Variants in RIMBP2 observed in about 807,000 individuals in gnomAD.
RIMBP2 encodes the protein RIMS-binding protein 2.
A neutral mutation model predicts 118.6 loss-of-function variants in RIMBP2; 48 were observed. The ratio of observed to expected loss-of-function variants is 0.40; its 90% CI spans 0.32 to 0.51. RIMBP2 has a LOEUF of 0.51. Among genes scored for constraint, RIMBP2 ranks in the 20% least tolerant of loss-of-function variants. The pLI is 0.41. For missense variants in RIMBP2, 1,551 were observed against 1,768.3 expected (o/e 0.88, Z 2.20); for synonymous variants, 762 against 742.9 (o/e 1.03, Z -0.42).
intron 1 of RIMBP2, among the ~76,000 whole-genome samples, chr12:130,695,679 C>A (rs11061091): frequency 0.038 from 5,770 of 152,098 alleles, 374 homozygotes; most frequent in African/African-American, 0.13. Flanking sequence ...AAAAGATCAA[C>A]CCCTGTTTCT....
At position 130,623,851 on chromosome 12, in the gene RIMBP2, G is replaced by A. The variant is rs79683798; in HGVS notation, c.-217+4471C>T. Among the ~76,000 whole-genome samples the A allele has an allele frequency of 6.1e-3, 922 of 152,234 alleles. 6 individuals are homozygous for A. The highest frequency in any genetic ancestry group is 8.6e-3 in the Non-Finnish European group (587 of 68,022). On this transcript the variant is annotated intron_variant, in intron 2 of 22. Transcript: ENST00000690449. The surrounding 1 kb of genome is among the most constrained non-coding windows in gnomAD (Gnocchi z 4.1). Reference sequence around the variant, plus strand: ...CATCCCTCAAGCAGATAATCCCACGGTGTACACCACAGTCTCCCAGAGGTT... The same window carrying A: ...CATCCCTCAAGCAGATAATCCCACGATGTACACCACAGTCTCCCAGAGGTT...
chr12:130,557,779 T>G (rs1029726324), intron 2 of RIMBP2, among the ~76,000 whole-genome samples: 1 of 152,228 alleles, frequency 6.6e-6, no homozygotes, highest in Non-Finnish European at 1.5e-5. Context: ...TCTTTTTTCC[T>G]GTACTTATCT....
In RIMBP2 at chr12:130,669,911, A is replaced by C. The variant is rs1296017612; in HGVS notation, c.-351-41455T>G. ...GGTGGGTTGAAGGCCGGGGCTCAGT[A>C]ACACACATTTAGGCCTTTTTCCACA... On this transcript the variant is annotated intron_variant, in intron 1 of 22. Coordinates refer to ENST00000690449, the MANE Select transcript of RIMBP2 (RefSeq NM_001393629.1). 1.3e-5 allele frequency among the ~76,000 whole-genome samples: 2 copies of C among 152,172 alleles called. 1 individual carries two copies. The highest frequency in any genetic ancestry group is 1.3e-4 in the Admixed American group (2 of 15,276).
intron 1 of RIMBP2, among the ~76,000 whole-genome samples, chr12:130,708,806 C>T (rs1397784203): frequency 5.3e-5 from 8 of 152,218 alleles, no homozygotes; most frequent in Non-Finnish European, 2.9e-5. Context: ...TTCAGAGCTC[C>T]CTGGGACTGC....
chr12:130,628,251 A>G (rs1330230672), intron 2 of RIMBP2, 71 bp downstream of exon 2: 4 of 152,216 alleles, frequency 2.6e-5, no homozygotes, highest in Non-Finnish European at 5.9e-5. Flanking sequence ...TCAACAAACC[A>G]TGAAAGAACA....
chr12:130,464,676 C>A (rs114130700), intron 6 of RIMBP2, among the ~76,000 whole-genome samples: 1 of 152,222 alleles, frequency 6.6e-6, no homozygotes, highest in Non-Finnish European at 1.5e-5. Context: ...GGGCAGAAGA[C>A]GAGGCCAAGA....
rs531135112 is a variant in RIMBP2, at chr12:130,438,025, G to A, written c.1656+340C>T. ...GTATCTTAAGGCGGGACGCGCCTTC[G>A]GCCATGGGTATCATCGTGCTAAGAC... On this transcript the variant is annotated intron_variant, in intron 12 of 22. Transcript: ENST00000690449. Among the ~76,000 whole-genome samples the A allele has an allele frequency of 3.3e-5, 5 of 152,278 alleles. No homozygotes were observed. The South Asian group carries it at 1.0e-3, about 32-fold the overall frequency.
chr12:130,649,867 T>G (rs1030669786), intron 1 of RIMBP2, among the ~76,000 whole-genome samples: 1 of 151,972 alleles, frequency 6.6e-6, no homozygotes, highest in Non-Finnish European at 1.5e-5. Flanking sequence ...ACCCCAGCAC[T>G]TCACACTCTG....
intron 12 of RIMBP2, among the ~76,000 whole-genome samples, chr12:130,438,017 G>A (rs1002877305): frequency 2.0e-5 from 3 of 152,198 alleles, no homozygotes; most frequent in African/African-American, 4.8e-5. Context: ...AAGGCGGGAC[G>A]CGCCTTCGGC....
intron 1 of RIMBP2, among the ~76,000 whole-genome samples, chr12:130,715,755 T>TAC (rs1950281912): frequency 1.5e-4 from 20 of 133,870 alleles, no homozygotes; most frequent in East Asian, 7.3e-4. Context: ...CACGTCCCCT[T>TAC]CCCCCCCTCC....
intron 4 of RIMBP2, among the ~76,000 whole-genome samples, chr12:130,489,832 C>A (rs1372542895): frequency 6.6e-6 from 1 of 152,170 alleles, no homozygotes; most frequent in African/African-American, 2.4e-5. Flanking sequence ...ATTGATGACA[C>A]ATTTCTATCA....
intron 2 of RIMBP2, among the ~76,000 whole-genome samples, chr12:130,526,105 G>T (rs1028213396): frequency 1.3e-5 from 2 of 152,068 alleles, no homozygotes; most frequent in African/African-American, 2.4e-5. Context: ...GGGGTGGGGG[G>T]TTCTGGAAAG....
rs1168628206 is a variant in RIMBP2, at chr12:130,604,794, G to C, written c.-217+23528C>G. ...AGACGGGGTTTCACTGTGTTAGCCA[G>C]GATGGTCTTGATCTCCTGACCTCGT... On this transcript the variant is annotated intron_variant, in intron 2 of 22. Coordinates refer to ENST00000690449, the MANE Select transcript of RIMBP2 (RefSeq NM_001393629.1). 2.3e-5 allele frequency among the ~76,000 whole-genome samples: 3 copies of C among 132,192 alleles called. No homozygotes were observed. In the East Asian group the frequency reaches 6.6e-4, roughly 29 times the overall value. The allele number at this position is 132,192 out of a possible 152,430, so 86.7% of individuals were successfully genotyped here.
chr12:130,560,122 T>C (rs1303282966), intron 2 of RIMBP2, among the ~76,000 whole-genome samples: 2 of 152,124 alleles, frequency 1.3e-5, no homozygotes. Flanking sequence ...GAATGACAAC[T>C]CTCCCAGACG....
chr12:130,585,509 G>A (rs2058825131), intron 2 of RIMBP2, among the ~76,000 whole-genome samples: 1 of 151,872 alleles, frequency 6.6e-6, no homozygotes. Flanking sequence ...CTACTCGGGA[G>A]GCTGAGGTGG....
At chr12:130,695,126 C>T (rs1304062267) in intron 1 of RIMBP2, among the ~76,000 whole-genome samples, 1 of 152,194 alleles carries the variant, frequency 6.6e-6, no homozygotes, top group Non-Finnish European at 1.5e-5. Flanking sequence ...ACTTAGTTGT[C>T]TGAGGTTTTC....
At chr12:130,449,115 C>T (rs2078780965) in intron 9 of RIMBP2, among the ~76,000 whole-genome samples, 1 of 152,242 alleles carries the variant, frequency 6.6e-6, no homozygotes, top group Non-Finnish European at 1.5e-5. Flanking sequence ...CTTTGAAATA[C>T]TGTCAGGTCA....
chr12:130,415,361 T>TA (rs1040743940), intron 17 of RIMBP2, among the ~76,000 whole-genome samples: 6 of 152,086 alleles, frequency 3.9e-5, no homozygotes, highest in Admixed American at 6.6e-5. Flanking sequence ...CCTTCATGAT[T>TA]AAAAAAACCC....
intron 2 of RIMBP2, among the ~76,000 whole-genome samples, chr12:130,609,435 G>GT (rs1382256944): frequency 7.6e-6 from 1 of 131,248 alleles, no homozygotes; most frequent in Admixed American, 7.2e-5. Context: ...GATATGGTCA[G>GT]AGGGACCCCG....
Sources: gnomAD v4.1 joint callset for allele counts (sites outside exome capture counted in the v4.1 genomes callset) on GRCh38, gnomAD v4.1.1 for gene constraint, Gnocchi (gnomAD v3.1) non-coding constraint, MANE v1.5 for transcripts, NCBI Gene and HGNC (gene_info 2026-07-23, HGNC 2026-07-21) for gene names.